SH3KBP1: variants seen among roughly 807,000 people sequenced by gnomAD.
SH3KBP1 encodes the protein SH3 domain containing kinase binding protein 1.
Under a neutral mutation model 50.1 loss-of-function variants are expected in SH3KBP1, and 8 were observed. The ratio of observed to expected loss-of-function variants is 0.16; its 90% CI spans 0.09 to 0.29. The LOEUF (loss-of-function observed/expected upper bound fraction) is 0.29, where lower values mean the gene tolerates loss of function less well. Ranked by LOEUF, SH3KBP1 falls within the 10% of genes least tolerant of loss-of-function variation. The pLI is 1.00. For missense variants in SH3KBP1, 377 were observed against 535.2 expected (o/e 0.70, Z 2.92); for synonymous variants, 227 against 218.6 (o/e 1.04, Z -0.34).
chrX:19,623,336 T>C (rs1361756338), intron 8 of SH3KBP1, among the ~76,000 whole-genome samples: 1 of 112,137 alleles, frequency 8.9e-6, no homozygotes, highest in Non-Finnish European at 1.9e-5. Flanking sequence ...TTGTCTGTTT[T>C]TCTCATTTTT....
intron 2 of SH3KBP1, among the ~76,000 whole-genome samples, chrX:19,805,255 G>C (rs907741811): frequency 3.6e-5 from 4 of 110,682 alleles, no homozygotes. Flanking sequence ...GCATTACTGC[G>C]CATGTTTAAA....
intron 2 of SH3KBP1, among the ~76,000 whole-genome samples, chrX:19,831,601 G>A (rs1407868022): frequency 9.4e-6 from 1 of 106,619 alleles, no homozygotes; most frequent in Non-Finnish European, 1.9e-5. Context: ...AGACCAGCCT[G>A]ACCAACATGG....
At chrX:19,758,260 G>A (rs1475433912) in intron 2 of SH3KBP1, among the ~76,000 whole-genome samples, 1 of 106,115 alleles carries the variant, frequency 9.4e-6, no homozygotes, top group Non-Finnish European at 1.9e-5. Context: ...CCCTGGAAGC[G>A]GAGGTTGCAG....
intron 1 of SH3KBP1, among the ~76,000 whole-genome samples, chrX:19,841,346 C>T (rs772593276): frequency 8.9e-6 from 1 of 112,545 alleles, no homozygotes; most frequent in East Asian, 2.8e-4. Flanking sequence ...AAATCCTTCA[C>T]CTAGCATCCT....
At chrX:19,846,919 T>C (rs1049892297) in intron 1 of SH3KBP1, among the ~76,000 whole-genome samples, 2 of 111,513 alleles carry the variant, frequency 1.8e-5, no homozygotes, top group Non-Finnish European at 3.8e-5. Flanking sequence ...AGGGGGCAGG[T>C]TGGCTTTATA....
At chrX:19,541,393 G>T (rs764221806) in intron 16 of SH3KBP1, among the ~76,000 whole-genome samples, 1 of 111,516 alleles carries the variant, frequency 9.0e-6, no homozygotes, top group Non-Finnish European at 1.9e-5. Flanking sequence ...CCACTGCCCC[G>T]CCCCGCCCAC....
intron 5 of SH3KBP1, among the ~76,000 whole-genome samples, chrX:19,692,793 A>G (rs1436869090): frequency 9.5e-6 from 1 of 105,363 alleles, no homozygotes; most frequent in East Asian, 2.9e-4. Context: ...AGCACTTCTC[A>G]TGCCTCAGCC....
At chrX:19,789,749 A>G (rs190772896) in intron 2 of SH3KBP1, among the ~76,000 whole-genome samples, 1 of 109,442 alleles carries the variant, frequency 9.1e-6, no homozygotes, top group South Asian at 4.0e-4. Flanking sequence ...TTTGGCCCAT[A>G]ATAGCCCCTT....
intron 2 of SH3KBP1, among the ~76,000 whole-genome samples, chrX:19,778,155 G>A (rs888775160): frequency 4.5e-5 from 5 of 111,458 alleles, no homozygotes; most frequent in East Asian, 2.8e-4. Context: ...AAATTCGGCC[G>A]GGTGCGGTGG....
chrX:19,661,552 CTTT>C (rs772898760), intron 6 of SH3KBP1, among the ~76,000 whole-genome samples: 1 of 67,067 alleles, frequency 1.5e-5, no homozygotes, highest in Non-Finnish European at 3.0e-5. Flanking sequence ...TAGCTTTTTA[CTTT>C]TTTTTTTTTT....
At chrX:19,563,721 T>C (rs1364478074) in intron 13 of SH3KBP1, among the ~76,000 whole-genome samples, 1 of 112,198 alleles carries the variant, frequency 8.9e-6, no homozygotes, top group South Asian at 3.7e-4. Context: ...GCCCGTCATA[T>C]GCAGACTTGA....
intron 2 of SH3KBP1, among the ~76,000 whole-genome samples, chrX:19,778,156 G>A (rs766018004): frequency 4.5e-5 from 5 of 111,530 alleles, no homozygotes; most frequent in Non-Finnish European, 9.4e-5. Flanking sequence ...AATTCGGCCG[G>A]GTGCGGTGGC....
chrX:19,759,005 T>G (rs1287019798), intron 2 of SH3KBP1, among the ~76,000 whole-genome samples: 1 of 111,971 alleles, frequency 8.9e-6, no homozygotes, highest in Non-Finnish European at 1.9e-5. Flanking sequence ...TTAAGTGCAC[T>G]AGGATATTTT....
chrX:19,581,721 A>G (rs1380736760), intron 12 of SH3KBP1, among the ~76,000 whole-genome samples: 3 of 110,169 alleles, frequency 2.7e-5, no homozygotes, highest in Non-Finnish European at 5.7e-5. Context: ...GCCCTTCCCT[A>G]TGCACTTAGT....
At chrX:19,558,937 G>C (rs1301973624) in intron 13 of SH3KBP1, among the ~76,000 whole-genome samples, 1 of 111,091 alleles carries the variant, frequency 9.0e-6, no homozygotes, top group Non-Finnish European at 1.9e-5. Flanking sequence ...TTTTAGAGAC[G>C]TAAGTGCCAA....
intron 7 of SH3KBP1, among the ~76,000 whole-genome samples, chrX:19,636,136 C>T (rs1168304039): frequency 9.1e-6 from 1 of 110,477 alleles, no homozygotes; most frequent in African/African-American, 3.3e-5. Context: ...AATAGACACA[C>T]ACACATAGAG....
At chrX:19,878,495 TGTGTGTGTGTGAGAGAGAGAGA>T (rs1253657129) in intron 1 of SH3KBP1, among the ~76,000 whole-genome samples, 2 of 81,928 alleles carry the variant, frequency 2.4e-5, no homozygotes, top group African/African-American at 1.6e-4. Context: ...TGTGTGTGTG[TGTGTGTGTGTGAGAGAGAGAGA>T]GAGAGAGAGA....
chrX:19,664,880 T>C (rs2062557295), intron 6 of SH3KBP1, among the ~76,000 whole-genome samples: 1 of 112,438 alleles, frequency 8.9e-6, no homozygotes, highest in Admixed American at 9.4e-5. Context: ...GCAAGATGAA[T>C]ATATGATTAG....
At chrX:19,775,433 T>G (rs2065943108) in intron 2 of SH3KBP1, among the ~76,000 whole-genome samples, 1 of 112,244 alleles carries the variant, frequency 8.9e-6, no homozygotes, top group Middle Eastern at 4.6e-3. Flanking sequence ...TCCCCCACAT[T>G]TTCAACTATT....
Sources: gnomAD v4.1 joint callset for allele counts (sites outside exome capture counted in the v4.1 genomes callset) on GRCh38, gnomAD v4.1.1 for gene constraint, MANE v1.5 for transcripts, NCBI Gene and HGNC (gene_info 2026-07-23, HGNC 2026-07-21) for gene names.